Variants in DPH7 observed in about 807,000 individuals in gnomAD.
DPH7 encodes the protein diphthamide biosynthesis 7, also known as diphthine methyltransferase.
DPH7 carries 44 observed loss-of-function variants against 41.7 expected under a neutral mutation model. The ratio of observed to expected loss-of-function variants is 1.05; its 90% CI spans 0.83 to 1.36. The LOEUF is 1.36. Among genes scored for constraint, DPH7 ranks in the 40% most tolerant of loss-of-function variants. DPH7 has a pLI of 0.00. For synonymous variants in DPH7, 275 were observed against 238.0 expected (o/e 1.16, Z -1.43); for missense variants, 629 against 577.5 (o/e 1.09, Z -0.91).
At chr9:137,561,429 A>G (rs1244624934) in intron 8 of DPH7, among the ~76,000 whole-genome samples, 1 of 150,970 alleles carries the variant, frequency 6.6e-6, no homozygotes, top group Non-Finnish European at 1.5e-5. Flanking sequence ...ATTCCCAGCT[A>G]CTCGGGAGGC....
chr9:137,571,528 G>C (rs1395972451), intron 5 of DPH7, among the ~76,000 whole-genome samples: 1 of 152,010 alleles, frequency 6.6e-6, no homozygotes, highest in Admixed American at 6.6e-5. Flanking sequence ...AGTGGCTGAC[G>C]CCTATAATCC....
chr9:137,569,266 C>T (rs563997638), intron 5 of DPH7, among the ~76,000 whole-genome samples: 2 of 149,738 alleles, frequency 1.3e-5, no homozygotes, highest in South Asian at 2.1e-4. Flanking sequence ...ATCCACCCCC[C>T]GACCTCACCC....
Position 137,578,633 on chromosome 9 carries a change from G to A in DPH7, c.145C>T (p.Gln49Ter), listed in dbSNP as rs1489951745. Reference sequence around the variant, plus strand: ...AGCCGCGGCGCGCGCACCTTGTTCTGGGGGCCGGCAGGCCGGTCCTCCGGC... The same window carrying A: ...AGCCGCGGCGCGCGCACCTTGTTCTAGGGGCCGGCAGGCCGGTCCTCCGGC... ...RRPEDRPAGP[Q>*]NKGGMEVKEP... Residue 49 changes from glutamine to a stop codon, truncating the protein, a stop_gained, in exon 1 of 9, where the codon CAG (glutamine) becomes TAG (stop). Transcript: ENST00000277540. LOFTEE classifies it high-confidence loss of function. The A allele has an allele frequency of 4.0e-6, 6 of 1,507,616 alleles. No homozygotes were observed. Among genetic ancestry groups the A allele is most frequent in the Non-Finnish European group, 5.3e-6 (6 of 1,133,522 alleles). 93.4% of individuals were successfully genotyped at this position (1,507,616 alleles called of 1,614,324 possible).
At chr9:137,555,867 A>G (rs1425577035) in intron 8 of DPH7, among the ~76,000 whole-genome samples, 2 of 152,218 alleles carry the variant, frequency 1.3e-5, no homozygotes, top group Non-Finnish European at 2.9e-5. Context: ...GTGTGCCTCC[A>G]AGAGAAGCAT....
chr9:137,561,542 CAAAAAAA>C (rs557915176), intron 8 of DPH7, among the ~76,000 whole-genome samples: 1 of 52,274 alleles, frequency 1.9e-5, no homozygotes, highest in Non-Finnish European at 3.5e-5. Context: ...GACTCCATCT[CAAAAAAA>C]AAAAAAAAAA....
intron 1 of DPH7, 99 bp from the exon 2 acceptor site, chr9:137,577,702 T>A: frequency 6.9e-7 from 1 of 1,451,546 alleles, no homozygotes; most frequent in Non-Finnish European, 9.4e-7. Context: ...TTGCCATGAC[T>A]AAAGGAGTGG....
At chr9:137,576,561 G>C (rs1198266754) in intron 2 of DPH7, among the ~76,000 whole-genome samples, 1 of 152,142 alleles carries the variant, frequency 6.6e-6, no homozygotes, top group African/African-American at 2.4e-5. Flanking sequence ...AACATAGCAA[G>C]ACCCTGTTTC....
chr9:137,561,368 C>T (rs1588826797), intron 8 of DPH7, among the ~76,000 whole-genome samples: 1 of 151,868 alleles, frequency 6.6e-6, no homozygotes, highest in Non-Finnish European at 1.5e-5. Flanking sequence ...GGTGAAACCT[C>T]GTCTCCAATA....
chr9:137,561,034 A>AAAAAAAAAAAAAAAG (rs1564414568), intron 8 of DPH7, among the ~76,000 whole-genome samples: 10 of 129,458 alleles, frequency 7.7e-5, no homozygotes, highest in Non-Finnish European at 9.4e-5. Context: ...AAAAAAAAAA[A>AAAAAAAAAAAAAAAG]AAAAAAAGAA....
At chr9:137,569,883 C>T (rs561154308) in intron 5 of DPH7, among the ~76,000 whole-genome samples, 31 of 151,172 alleles carry the variant, frequency 2.1e-4, no homozygotes, top group Non-Finnish European at 3.1e-4. Context: ...TCCATCCATC[C>T]ATCCACACGC....
intron 5 of DPH7, among the ~76,000 whole-genome samples, chr9:137,572,844 G>A (rs937614401): frequency 6.6e-6 from 1 of 152,160 alleles, no homozygotes; most frequent in Non-Finnish European, 1.5e-5. Flanking sequence ...ATCCAAAAAG[G>A]GTGCAGACAA....
At chr9:137,564,746 T>C in intron 7 of DPH7, 140 bp from the exon 8 acceptor site, 3 of 1,426,530 alleles carry the variant, frequency 2.1e-6, no homozygotes, top group Non-Finnish European at 2.9e-6. Context: ...ACCAAACCCA[T>C]ATACCTACAC....
At chr9:137,564,368 G>C (rs774299975) in intron 8 of DPH7, 66 bp downstream of exon 8, 14 of 1,547,580 alleles carry the variant, frequency 9.0e-6, no homozygotes, top group African/African-American at 1.4e-5. Context: ...GAAGAGCCCA[G>C]CAGAGCGAGG....
At chr9:137,558,119 G>C (rs774890843) in intron 8 of DPH7, among the ~76,000 whole-genome samples, 3 of 152,182 alleles carry the variant, frequency 2.0e-5, no homozygotes, top group Non-Finnish European at 2.9e-5. Flanking sequence ...CTGGGAGACA[G>C]AGCAAGACTC....
intron 8 of DPH7, among the ~76,000 whole-genome samples, chr9:137,561,193 A>T (rs1339740132): frequency 6.6e-6 from 1 of 152,196 alleles, no homozygotes; most frequent in African/African-American, 2.4e-5. Context: ...GGAAAATAGT[A>T]TCTCTTCAGT....
intron 5 of DPH7, among the ~76,000 whole-genome samples, chr9:137,570,015 CCCA>C (rs1332753856): frequency 6.7e-6 from 1 of 148,934 alleles, no homozygotes; most frequent in African/African-American, 2.5e-5. Context: ...ATCTATCCAC[CCCA>C]CCACCACCCA....
At chr9:137,570,617 C>T (rs1240508217) in intron 5 of DPH7, among the ~76,000 whole-genome samples, 1 of 152,206 alleles carries the variant, frequency 6.6e-6, no homozygotes, top group Non-Finnish European at 1.5e-5. Flanking sequence ...GCAACAGCTC[C>T]CATTTCATTC....
At position 137,560,322 on chromosome 9, in the gene DPH7, CAAAT is replaced by C. The variant is rs535629021; in HGVS notation, c.949+4108_949+4111del. ...GTCACCAGGATGGATGGGAGCACAA[CAAAT>C]AGTCAATTGCGAGCTGAGACTTAGG... On this transcript the variant is annotated intron_variant, in intron 8 of 8. Transcript: ENST00000277540. Among the ~76,000 whole-genome samples, 370 of 152,226 alleles carry C rather than the reference CAAAT, an allele frequency of 2.4e-3. 3 individuals are homozygous for C. Among genetic ancestry groups the C allele is most frequent in the African/African-American group, 8.5e-3 (354 of 41,530 alleles).
At chr9:137,568,648 G>C (rs1455366342) in intron 5 of DPH7, among the ~76,000 whole-genome samples, 1 of 152,114 alleles carries the variant, frequency 6.6e-6, no homozygotes, top group African/African-American at 2.4e-5. Flanking sequence ...ACCTCAACAG[G>C]AGGTCCCAGA....
Sources: allele counts gnomAD v4.1 joint callset (sites outside exome capture counted in the v4.1 genomes callset), GRCh38; gene constraint gnomAD v4.1.1; transcripts MANE v1.5; gene names NCBI Gene and HGNC (gene_info 2026-07-23, HGNC 2026-07-21).